Variants in ITFG1 observed in about 807,000 individuals in gnomAD.
ITFG1 encodes the protein T-cell immunomodulatory protein.
A neutral mutation model predicts 81.8 loss-of-function variants in ITFG1; 34 were observed. That is an observed-to-expected ratio of 0.42 (90% CI 0.32 to 0.55). The LOEUF (loss-of-function observed/expected upper bound fraction) is 0.55, where lower values mean the gene tolerates loss of function less well. Ranked by LOEUF, ITFG1 falls within the 20% of genes least tolerant of loss-of-function variation. The pLI, the probability that ITFG1 is intolerant of heterozygous loss-of-function variation, is 0.17. For missense variants in ITFG1, 672 were observed against 755.4 expected (o/e 0.89, Z 1.29); for synonymous variants, 285 against 270.6 (o/e 1.05, Z -0.52).
intron 7 of ITFG1, among the ~76,000 whole-genome samples, chr16:47,366,504 C>T (rs898577892): frequency 1.3e-5 from 2 of 152,048 alleles, no homozygotes; most frequent in African/African-American, 2.4e-5. Flanking sequence ...AGCTTATCAG[C>T]GATCCTTTGT....
chr16:47,390,756 G>A (rs188506420), intron 6 of ITFG1, among the ~76,000 whole-genome samples: 195 of 152,108 alleles, frequency 1.3e-3, no homozygotes, highest in Non-Finnish European at 2.2e-3. Context: ...GACCGTGCCC[G>A]GCCAATAATG....
chr16:47,407,820 G>A (rs933526453), intron 6 of ITFG1, among the ~76,000 whole-genome samples: 2 of 152,188 alleles, frequency 1.3e-5, no homozygotes, highest in African/African-American at 4.8e-5. Context: ...CAGTTGCTAT[G>A]TGGCTTTGGA....
chr16:47,301,999 T>A (rs1339695914), intron 10 of ITFG1, among the ~76,000 whole-genome samples: 2 of 151,944 alleles, frequency 1.3e-5, no homozygotes, highest in Admixed American at 1.3e-4. Flanking sequence ...GCCAACCATA[T>A]AGATGTGACC....
intron 10 of ITFG1, among the ~76,000 whole-genome samples, chr16:47,269,504 C>CAAAAAAAAAAAAAAAAAAAAAA (rs1966313891): frequency 8.7e-6 from 1 of 114,920 alleles, no homozygotes. Context: ...AAAAAAAAAA[C>CAAAAAAAAAAAAAAAAAAAAAA]TTGAAAAAAA....
chr16:47,405,675 T>C (rs949152455), intron 6 of ITFG1, among the ~76,000 whole-genome samples: 2 of 152,138 alleles, frequency 1.3e-5, no homozygotes, highest in Admixed American at 6.5e-5. Context: ...TGTAAGGTGA[T>C]TGTGAGGATG....
At chr16:47,264,545 T>TACACACACACACACACACACACAC (rs60424367) in intron 10 of ITFG1, among the ~76,000 whole-genome samples, 1 of 136,036 alleles carries the variant, frequency 7.4e-6, no homozygotes, top group African/African-American at 2.7e-5. Flanking sequence ...TGTTCTCTAT[T>TACACACACACACACACACACACAC]ACACACACAC....
chr16:47,158,744 G>C, intron 17 of ITFG1, 129 bp downstream of exon 17: 1 of 534,368 alleles, frequency 1.9e-6, no homozygotes, highest in Non-Finnish European at 3.3e-6. Flanking sequence ...GCTTTGAACA[G>C]AACTTGAAAA....
At chr16:47,442,632 C>T (rs751327712) in intron 5 of ITFG1, among the ~76,000 whole-genome samples, 1 of 152,020 alleles carries the variant, frequency 6.6e-6, no homozygotes, top group African/African-American at 2.4e-5. Context: ...ACAAACCTGA[C>T]AAAAACAAGC....
intron 10 of ITFG1, among the ~76,000 whole-genome samples, chr16:47,306,618 T>C (rs1042346686): frequency 6.6e-6 from 1 of 151,816 alleles, no homozygotes; most frequent in Non-Finnish European, 1.5e-5. Flanking sequence ...TAAACTTCTA[T>C]TAGTTTAGTA....
intron 6 of ITFG1, among the ~76,000 whole-genome samples, chr16:47,386,785 G>A (rs1968468569): frequency 6.6e-6 from 1 of 152,224 alleles, no homozygotes; most frequent in Non-Finnish European, 1.5e-5. Context: ...GAAGCGTCAG[G>A]CTGTAACAGG....
chr16:47,312,437 AT>A (rs1450045143), intron 9 of ITFG1, among the ~76,000 whole-genome samples: 1 of 152,154 alleles, frequency 6.6e-6, no homozygotes, highest in Non-Finnish European at 1.5e-5. Flanking sequence ...CAATTTATGT[AT>A]TTTCCAAAGA....
chr16:47,245,718 T>C (rs145015824), intron 12 of ITFG1, among the ~76,000 whole-genome samples: 1 of 152,340 alleles, frequency 6.6e-6, no homozygotes, highest in African/African-American at 2.4e-5. Context: ...AGACCATTTA[T>C]TTATCTTCTG....
chr16:47,297,038 T>C (rs1057064328), intron 10 of ITFG1, among the ~76,000 whole-genome samples: 7 of 152,196 alleles, frequency 4.6e-5, no homozygotes, highest in African/African-American at 1.7e-4. Flanking sequence ...TCCCCACTAT[T>C]ATTGTATTAT....
At chr16:47,281,914 A>G (rs1299875364) in intron 10 of ITFG1, among the ~76,000 whole-genome samples, 2 of 151,938 alleles carry the variant, frequency 1.3e-5, no homozygotes, top group Non-Finnish European at 2.9e-5. Context: ...TGTTACATGG[A>G]CATATTATGT....
intron 14 of ITFG1, among the ~76,000 whole-genome samples, chr16:47,177,284 A>T (rs1203631161): frequency 6.6e-6 from 1 of 152,078 alleles, no homozygotes; most frequent in Non-Finnish European, 1.5e-5. Context: ...TATCTATTAA[A>T]ATCTTCCCGG....
intron 10 of ITFG1, among the ~76,000 whole-genome samples, chr16:47,303,460 C>T (rs897384420): frequency 2.0e-5 from 3 of 150,562 alleles, no homozygotes; most frequent in African/African-American, 7.4e-5. Context: ...ACATTGAAAA[C>T]AGTTACCCAA....
At chr16:47,246,608 T>C (rs1232172969) in intron 12 of ITFG1, among the ~76,000 whole-genome samples, 7 of 152,192 alleles carry the variant, frequency 4.6e-5, no homozygotes, top group African/African-American at 1.2e-4. Context: ...GTGACATCTA[T>C]ACGGCTATGC....
Position 47,155,477 on chromosome 16 carries a change from C to A in ITFG1, c.*242G>T. ...ACACTGGAGTACATGCAACACATTC[C>A]ACAAAGGAACAAAAATGTACAGCAC... On this transcript the variant is annotated 3_prime_UTR_variant, in exon 18 of 18. Coordinates refer to ENST00000320640, the MANE Select transcript of ITFG1 (RefSeq NM_030790.5). The A allele has an allele frequency of 3.4e-6, 1 of 292,000 alleles. No individual in the cohort carries two copies. The highest frequency in any genetic ancestry group is 6.3e-6 in the Non-Finnish European group (1 of 159,904). The allele number at this position is 292,000 out of a possible 1,614,324, so 18.1% of individuals were successfully genotyped here. A position where few individuals can be genotyped will look rare whatever the true frequency, so the allele number is the denominator to read the frequency against.
chr16:47,164,335 T>C, intron 14 of ITFG1, among the ~76,000 whole-genome samples: 1 of 152,216 alleles, frequency 6.6e-6, no homozygotes, highest in East Asian at 1.9e-4. Context: ...GGTCAGCCAG[T>C]GATTTGTTGT....
Sources: allele counts gnomAD v4.1 joint callset (sites outside exome capture counted in the v4.1 genomes callset), GRCh38; gene constraint gnomAD v4.1.1; transcripts MANE v1.5; gene names NCBI Gene and HGNC (gene_info 2026-07-23, HGNC 2026-07-21).